The following POC1B variants were observed in gnomAD, a reference collection of about 807,000 sequenced individuals.
POC1B encodes the protein POC1 centriolar protein B.
Under a neutral mutation model 60.6 loss-of-function variants are expected in POC1B, and 44 were observed. The observed-to-expected ratio is 0.73, with a 90% CI of 0.57 to 0.93. POC1B has a LOEUF of 0.93. Ranked by LOEUF, POC1B falls within the 40% of genes least tolerant of loss-of-function variation. The pLI, the probability that POC1B is intolerant of heterozygous loss-of-function variation, is 0.00. For synonymous variants in POC1B, 180 were observed against 198.9 expected (o/e 0.90, Z 0.80); for missense variants, 555 against 572.3 (o/e 0.97, Z 0.31).
At chr12:89,404,064 G>A in the POC1B span, among the ~76,000 whole-genome samples, 2 of 151,962 alleles carry the variant, frequency 1.3e-5, no homozygotes, top group Non-Finnish European at 1.5e-5. Context: ...CTTGGGAGGT[G>A]GAGGTTGCGA....
intron 2 of POC1B, among the ~76,000 whole-genome samples, chr12:89,516,832 G>A (rs1870463606): frequency 6.6e-6 from 1 of 152,138 alleles, no homozygotes; most frequent in African/African-American, 2.4e-5. Flanking sequence ...TTGTGGCTGT[G>A]TCACTCCAAT....
At chr12:89,517,130 T>C (rs1268342921) in intron 2 of POC1B, among the ~76,000 whole-genome samples, 2 of 152,200 alleles carry the variant, frequency 1.3e-5, no homozygotes, top group Admixed American at 6.5e-5. Flanking sequence ...TTCATCTCTG[T>C]TTACCAGGTT....
At chr12:89,430,368 A>G (rs2120673854) in intron 10 of POC1B, among the ~76,000 whole-genome samples, 1 of 152,324 alleles carries the variant, frequency 6.6e-6, no homozygotes, top group East Asian at 1.9e-4. Context: ...TTTGAGGATG[A>G]ATTATTTTAA....
chr12:89,412,820 T>TTCCTTCCTTCCTTCCA, the POC1B span, among the ~76,000 whole-genome samples: 1 of 121,892 alleles, frequency 8.2e-6, no homozygotes, highest in Non-Finnish European at 1.6e-5. Flanking sequence ...CCTTCCTTCC[T>TTCCTTCCTTCCTTCCA]TCCTTCCTTC....
chr12:89,438,572 A>G (rs895518925), intron 10 of POC1B, among the ~76,000 whole-genome samples: 2 of 152,276 alleles, frequency 1.3e-5, no homozygotes, highest in Admixed American at 6.5e-5. Context: ...TGCTGACTCC[A>G]TCGTCCTCTT....
intron 6 of POC1B, among the ~76,000 whole-genome samples, chr12:89,470,915 G>C (rs1882864630): frequency 6.6e-6 from 1 of 152,272 alleles, no homozygotes; most frequent in South Asian, 2.1e-4. Flanking sequence ...TTGAGACTTT[G>C]TCTCCAGACA....
intron 2 of POC1B, chr12:89,522,519 C>T (rs367966158): frequency 5.7e-6 from 2 of 349,276 alleles, no homozygotes; most frequent in African/African-American, 2.1e-5. Flanking sequence ...AAGTCTGGCA[C>T]TTAAATGTTT....
intron 4 of POC1B, among the ~76,000 whole-genome samples, chr12:89,474,522 C>T (rs1181939571): frequency 6.6e-6 from 1 of 152,202 alleles, no homozygotes; most frequent in Non-Finnish European, 1.5e-5. Context: ...TAACACATTA[C>T]ATGTAGCAAC....
At chr12:89,456,615 A>G (rs1314104851) in intron 10 of POC1B, among the ~76,000 whole-genome samples, 1 of 152,240 alleles carries the variant, frequency 6.6e-6, no homozygotes, top group African/African-American at 2.4e-5. Flanking sequence ...AACTATGTTT[A>G]TATGGCCACC....
chr12:89,484,449 C>A (rs377653913), intron 4 of POC1B, among the ~76,000 whole-genome samples: 1 of 152,188 alleles, frequency 6.6e-6, no homozygotes, highest in African/African-American at 2.4e-5. Flanking sequence ...AAACTATGTG[C>A]AAATATGTGA....
At chr12:89,458,780 G>A (rs1201312706) in intron 10 of POC1B, among the ~76,000 whole-genome samples, 3 of 152,118 alleles carry the variant, frequency 2.0e-5, no homozygotes, top group Non-Finnish European at 1.5e-5. Flanking sequence ...CAGTAGTGTC[G>A]TCAAAGACCA....
At position 89,459,635 on chromosome 12, in the gene POC1B, T is replaced by TA; in HGVS notation, c.1113+2dup. 6 of 1,353,532 alleles carry TA rather than the reference T, an allele frequency of 4.4e-6. No individual in the cohort carries two copies. Among genetic ancestry groups the TA allele is most frequent in the Non-Finnish European group, 6.0e-6 (6 of 1,000,832 alleles). The allele number at this position is 1,353,532 out of a possible 1,614,324, so 83.8% of individuals were successfully genotyped here. Reference sequence around the variant, plus strand: ...CAAAAAAAAAAAAAAAAACCCGACTTACTGTGGTAGAATCAAAAGAAAGGA... The same window carrying TA: ...CAAAAAAAAAAAAAAAAACCCGACTTAACTGTGGTAGAATCAAAAGAAAGGA... On this transcript the variant is annotated splice_region_variant and intron_variant, in intron 10 of 11. Coordinates refer to ENST00000313546, the MANE Select transcript of POC1B (RefSeq NM_172240.3).
chr12:89,520,361 CA>C (rs1431564510), intron 2 of POC1B: 5 of 151,822 alleles, frequency 3.3e-5, no homozygotes, highest in South Asian at 2.1e-4. Flanking sequence ...TCCCATATAA[CA>C]GGTGGCTAAC....
At chr12:89,500,218 T>G (rs932072998) in intron 2 of POC1B, 1 of 1,592,546 alleles carries the variant, frequency 6.3e-7, no homozygotes, top group Admixed American at 1.7e-5. Flanking sequence ...AAGACTGTTT[T>G]GAAGAAAAAA....
intron 2 of POC1B, chr12:89,522,693 C>T (rs1484549987): frequency 7.6e-6 from 10 of 1,319,756 alleles, no homozygotes; most frequent in Non-Finnish European, 1.0e-5. Flanking sequence ...CTTTCCAGTG[C>T]TCCACAGATG....
intron 10 of POC1B, among the ~76,000 whole-genome samples, chr12:89,452,891 G>A (rs1255562647): frequency 1.3e-5 from 2 of 151,710 alleles, no homozygotes; most frequent in Non-Finnish European, 2.9e-5. Flanking sequence ...TTTTTAAAAG[G>A]TCAGCCATCA....
chr12:89,507,687 C>A (rs1869971781), intron 2 of POC1B, among the ~76,000 whole-genome samples: 1 of 152,214 alleles, frequency 6.6e-6, no homozygotes, highest in Non-Finnish European at 1.5e-5. Context: ...TTACCTAGGT[C>A]AGTGCTTTGT....
chr12:89,500,784 G>A (rs1869524732), intron 2 of POC1B: 2 of 1,024,750 alleles, frequency 2.0e-6, no homozygotes, highest in African/African-American at 3.2e-5. Flanking sequence ...ATCAGATAAA[G>A]AGGATAAAAC....
the POC1B span, among the ~76,000 whole-genome samples, chr12:89,402,771 G>A: frequency 4.6e-5 from 7 of 152,058 alleles, no homozygotes; most frequent in Admixed American, 3.9e-4. Flanking sequence ...ACAAGGTCTC[G>A]CTCTTTCACC....
Sources: gnomAD v4.1 joint callset for allele counts (sites outside exome capture counted in the v4.1 genomes callset) on GRCh38, gnomAD v4.1.1 for gene constraint, MANE v1.5 for transcripts, NCBI Gene and HGNC (gene_info 2026-07-23, HGNC 2026-07-21) for gene names.